The following KLHL6 variants were observed in gnomAD, a reference collection of about 807,000 sequenced individuals.
KLHL6 encodes the protein kelch like family member 6.
Under a neutral mutation model 58.6 loss-of-function variants are expected in KLHL6, and 41 were observed. The ratio of observed to expected loss-of-function variants is 0.70; its 90% confidence interval spans 0.55 to 0.91. KLHL6 has a LOEUF of 0.91. Among genes scored for constraint, KLHL6 ranks in the 40% least tolerant of loss-of-function variants. The probability of loss-of-function intolerance (pLI) is 0.00; values close to 1 mark genes in which losing one functional copy is unlikely to be tolerated. For synonymous variants in KLHL6, 338 were observed against 322.7 expected, an observed-to-expected ratio of 1.05 and a Z score of -0.51; for missense variants, 714 against 805.6, an observed-to-expected ratio of 0.89 and a Z score of 1.38.
In KLHL6 at chr3:183,494,288, G is replaced by T; in HGVS notation, c.1148-7C>A. On this transcript the variant is annotated splice_polypyrimidine_tract_variant and splice_region_variant and intron_variant, in intron 4 of 6. Coordinates refer to ENST00000341319, the MANE Select transcript of KLHL6 (RefSeq NM_130446.4). ...TGCTGTGTTTCTTTGCCACCTGCAA[G>T]AGATACAAAGCATTTAAGAAACCAT... 1 of 1,603,040 alleles carries T rather than the reference G, an allele frequency of 6.2e-7. No individual in the cohort carries two copies.
chr3:183,534,073 C>CCTTTACAAGTACTTTACTTTTAAAGTA (rs1712247843), intron 1 of KLHL6, among the ~76,000 whole-genome samples: 1 of 38,854 alleles, frequency 2.6e-5, no homozygotes, highest in Non-Finnish European at 4.7e-5. Context: ...TAATCACCAG[C>CCTTTACAAGTACTTTACTTTTAAAGTA]CTTTAAAAGT....
At chr3:183,512,108 C>T (rs138766511) in intron 2 of KLHL6, among the ~76,000 whole-genome samples, 1 of 152,148 alleles carries the variant, frequency 6.6e-6, no homozygotes, top group Non-Finnish European at 1.5e-5. Flanking sequence ...CAACAAAGAC[C>T]AAGCCTCGTG....
chr3:183,515,413 T>A (rs1711531047), intron 2 of KLHL6, among the ~76,000 whole-genome samples: 1 of 152,134 alleles, frequency 6.6e-6, no homozygotes, highest in Admixed American at 6.6e-5. Flanking sequence ...CCTGTTGTGG[T>A]GTTGCATGCC....
At chr3:183,494,328 A>G (rs1005829651) in intron 4 of KLHL6, 47 bp from the exon 5 acceptor site, 2 of 1,483,506 alleles carry the variant, frequency 1.3e-6, no homozygotes, top group African/African-American at 2.8e-5. Flanking sequence ...TGTGTCAGAA[A>G]TACAGCTTCT....
rs375141386 is a variant in KLHL6 at position 183,492,568 on chromosome 3, C to G, written c.1490G>C (p.Ser497Thr). ...QCYDPSTNKW[S>T]LKAAMPVEAK... ...CTCCACGGGCATGGCCGCCTTCAAA[C>G]TCCACTTGTTGGTGGAAGGGTCATA... The change falls in exon 6 of 7, where the codon AGT becomes ACT. Residue 497 changes from serine (S) to threonine (T), a missense_variant. Physicochemically the swap from Ser to Thr is moderately conservative, Grantham distance 58. Around this residue, in one of 2 missense-constraint regions of KLHL6, gnomAD observed 510 missense variants for 629.7 expected, o/e 0.81. Transcript: ENST00000341319. The surrounding 1 kb of genome is among the most constrained non-coding windows in gnomAD (Gnocchi z 5.9). 11 of 1,614,140 alleles carry G rather than the reference C, an allele frequency of 6.8e-6. No individual in the cohort carries two copies. The highest frequency in any genetic ancestry group is 7.6e-6 in the Non-Finnish European group (9 of 1,180,036).
chr3:183,539,787 C>T (rs1255609774), intron 1 of KLHL6, among the ~76,000 whole-genome samples: 1 of 152,050 alleles, frequency 6.6e-6, no homozygotes, highest in African/African-American at 2.4e-5. Flanking sequence ...ACACTGCCCA[C>T]GGCCCCTGTG....
chr3:183,506,252 ATCT>A, intron 3 of KLHL6, among the ~76,000 whole-genome samples: 1 of 152,316 alleles, frequency 6.6e-6, no homozygotes. Flanking sequence ...CTGAAGAAAA[ATCT>A]TCTTCAGGAA....
Position 183,515,079 on chromosome 3 carries a change from C to A in KLHL6, c.460-6571G>T, listed in dbSNP as rs1711516349. 2.0e-5 allele frequency among the ~76,000 whole-genome samples: 3 copies of A among 152,170 alleles called. No individual in the cohort carries two copies. In the South Asian group the frequency reaches 6.2e-4, roughly 32 times the overall value. ...GAACATTTGCACATGTGGCATTTTT[C>A]TGGGAACTTAGTTGGCAGGGGACAG... On this transcript the variant is annotated intron_variant, in intron 2 of 6. Coordinates refer to ENST00000341319, the MANE Select transcript of KLHL6 (RefSeq NM_130446.4).
chr3:183,524,745 T>A (rs531778328), intron 2 of KLHL6, among the ~76,000 whole-genome samples: 1 of 152,210 alleles, frequency 6.6e-6, no homozygotes, highest in South Asian at 2.1e-4. Flanking sequence ...ACACCAATGG[T>A]GAAAATTAAG....
At chr3:183,530,444 C>G (rs760532590) in intron 1 of KLHL6, among the ~76,000 whole-genome samples, 2 of 152,164 alleles carry the variant, frequency 1.3e-5, no homozygotes, top group Non-Finnish European at 2.9e-5. Flanking sequence ...GTGGAACTTG[C>G]AAACAATGAA....
At chr3:183,512,863 C>G (rs1438463722) in intron 2 of KLHL6, among the ~76,000 whole-genome samples, 2 of 151,848 alleles carry the variant, frequency 1.3e-5, no homozygotes, top group African/African-American at 4.8e-5. Context: ...GGCACAGTGG[C>G]TCACACTGTA....
At chr3:183,504,693 A>G (rs1162615842) in intron 3 of KLHL6, among the ~76,000 whole-genome samples, 1 of 152,184 alleles carries the variant, frequency 6.6e-6, no homozygotes, top group Admixed American at 6.5e-5. Flanking sequence ...ATTGTTTTAA[A>G]GTGCTATTTA....
chr3:183,519,237 A>T (rs1259866380), intron 2 of KLHL6, among the ~76,000 whole-genome samples: 1 of 152,198 alleles, frequency 6.6e-6, no homozygotes, highest in Non-Finnish European at 1.5e-5. Flanking sequence ...GCCAGACCTG[A>T]AGAGGCTTTG....
In KLHL6 at chr3:183,505,664, A is replaced by G. The variant is rs1006377863; in HGVS notation, c.909+2395T>C. On this transcript the variant is annotated intron_variant, in intron 3 of 6. Transcript: ENST00000341319. ...ACCAGATTGATCAGGAAAAAAAAAA[A>G]GGGCAGACACAAATTACCAATATCT... is the stretch of plus-strand genomic sequence containing the variant. Among the ~76,000 whole-genome samples, 11 of 152,126 alleles carry G rather than the reference A, an allele frequency of 7.2e-5. No homozygotes were observed. The Middle Eastern group carries it at 0.01, about 141-fold the overall frequency.
At chr3:183,532,464 C>T (rs948189236) in intron 1 of KLHL6, among the ~76,000 whole-genome samples, 1 of 152,236 alleles carries the variant, frequency 6.6e-6, no homozygotes, top group African/African-American at 2.4e-5. Flanking sequence ...GTATCCACCC[C>T]AGACCCTTGT....
intron 1 of KLHL6, among the ~76,000 whole-genome samples, chr3:183,541,513 T>G (rs1051271451): frequency 2.0e-5 from 3 of 152,176 alleles, no homozygotes; most frequent in African/African-American, 7.2e-5. Flanking sequence ...GGGCCCCCAT[T>G]TCTAACTGGT....
chr3:183,527,851 G>A lies in KLHL6; in HGVS notation c.453C>T (p.Leu151=), dbSNP rs1237055737. 3 of 1,613,966 alleles carry A rather than the reference G, an allele frequency of 1.9e-6. No individual in the cohort carries two copies. In the Admixed American group the frequency reaches 5.0e-5, roughly 27 times the overall value. ...AGCCAGTTTGTTCACACACCTGGAAGAGGTTAGCAGCCTCCAGGACCCGCT... is the reference window on the plus strand; with the variant it reads ...AGCCAGTTTGTTCACACACCTGGAAAAGGTTAGCAGCCTCCAGGACCCGCT... ...NVQRVLEAAN[L]FQFLRMVDAC... is the part of the protein sequence containing the mutation. The change falls in exon 2 of 7, where the codon CTC becomes CTT. Residue 151 remains leucine, a synonymous_variant. Transcript: ENST00000341319.
chr3:183,545,620 A>T (rs190529692), intron 1 of KLHL6, among the ~76,000 whole-genome samples: 1 of 152,154 alleles, frequency 6.6e-6, no homozygotes, highest in Non-Finnish European at 1.5e-5. Flanking sequence ...GGTGACAGAG[A>T]TGACACTTCC....
At chr3:183,498,283 G>T (rs988880481) in intron 4 of KLHL6, among the ~76,000 whole-genome samples, 2 of 152,144 alleles carry the variant, frequency 1.3e-5, no homozygotes, top group African/African-American at 4.8e-5. Context: ...TTAAAAGAAA[G>T]CTAGAACCTA....
Sources: gnomAD v4.1 joint callset for allele counts (sites outside exome capture counted in the v4.1 genomes callset) on GRCh38, gnomAD v4.1.1 for gene constraint, gnomAD v4.1.1 regional missense constraint, Gnocchi (gnomAD v3.1) non-coding constraint, MANE v1.5 for transcripts, NCBI Gene and HGNC (gene_info 2026-07-23, HGNC 2026-07-21) for gene names.